The following FAM168A variants were observed in gnomAD, a reference collection of about 807,000 sequenced individuals.
FAM168A encodes family with sequence similarity 168 member A.
A neutral mutation model predicts 28.5 loss-of-function variants in FAM168A; 3 were observed. The observed-to-expected ratio is 0.11, with a 90% confidence interval of 0.05 to 0.27. The LOEUF is 0.27. Among genes scored for constraint, FAM168A ranks in the 10% least tolerant of loss-of-function variants. The probability of loss-of-function intolerance (pLI) is 1.00; values close to 1 mark genes in which losing one functional copy is unlikely to be tolerated. For synonymous variants in FAM168A, 122 were observed against 124.2 expected (o/e 0.98, Z 0.12); for missense variants, 222 against 311.5 (o/e 0.71, Z 2.16).
chr11:73,573,819 G>GGT (rs1277172255), intron 1 of FAM168A, among the ~76,000 whole-genome samples: 2 of 152,148 alleles, frequency 1.3e-5, no homozygotes, highest in Non-Finnish European at 2.9e-5. Context: ...AGCCAGGCAT[G>GGT]GTGGTACATG....
chr11:73,545,683 CT>C (rs966309670), intron 1 of FAM168A, among the ~76,000 whole-genome samples: 2,522 of 105,146 alleles, frequency 0.024, 25 homozygotes, highest in African/African-American at 0.086. Context: ...ATACTATATA[CT>C]TTTTTTTTTT....
At chr11:73,424,217 G>A (rs1199738404) in intron 3 of FAM168A, among the ~76,000 whole-genome samples, 2 of 152,144 alleles carry the variant, frequency 1.3e-5, no homozygotes, top group Non-Finnish European at 2.9e-5. Context: ...ACAGATGCGC[G>A]ACACACAAAT....
At chr11:73,415,146 G>A (rs1866675456) in intron 4 of FAM168A, among the ~76,000 whole-genome samples, 1 of 152,180 alleles carries the variant, frequency 6.6e-6, no homozygotes. Context: ...GTTATGAAAT[G>A]AGACACACAC....
intron 1 of FAM168A, among the ~76,000 whole-genome samples, chr11:73,524,546 A>G (rs974484559): frequency 1.3e-5 from 2 of 151,512 alleles, no homozygotes; most frequent in African/African-American, 4.9e-5. Flanking sequence ...ACTTGTTTTC[A>G]TTCTACCTTA....
intron 1 of FAM168A, among the ~76,000 whole-genome samples, chr11:73,588,039 C>T (rs910238008): frequency 2.0e-5 from 3 of 152,022 alleles, no homozygotes; most frequent in Non-Finnish European, 2.9e-5. Context: ...CGTGAGCCAC[C>T]GCACCGAGCC....
intron 1 of FAM168A, among the ~76,000 whole-genome samples, chr11:73,493,907 T>C (rs1033937620): frequency 2.6e-5 from 4 of 152,182 alleles, no homozygotes; most frequent in Non-Finnish European, 4.4e-5. Context: ...CAACTAAAAC[T>C]AATCACTATC....
chr11:73,573,104 T>C (rs1459399949), intron 1 of FAM168A, among the ~76,000 whole-genome samples: 1 of 152,162 alleles, frequency 6.6e-6, no homozygotes, highest in East Asian at 1.9e-4. Context: ...ATCAATGTGC[T>C]CACCTGAGAG....
intron 1 of FAM168A, among the ~76,000 whole-genome samples, chr11:73,512,953 C>T (rs962531776): frequency 7.9e-5 from 12 of 152,146 alleles, no homozygotes; most frequent in Non-Finnish European, 1.6e-4. Context: ...TCCAGACACA[C>T]TAGCAAACTC....
At chr11:73,590,213 G>A (rs1184737966) in intron 1 of FAM168A, among the ~76,000 whole-genome samples, 6 of 152,104 alleles carry the variant, frequency 3.9e-5, no homozygotes, top group Non-Finnish European at 7.4e-5. Context: ...ACCAGCCTGG[G>A]CAACTGAGCA....
At position 73,404,907 on chromosome 11, in the gene FAM168A, A is replaced by T. The variant is rs1183406347; in HGVS notation, c.*1856T>A. 1 of 152,264 alleles carries T rather than the reference A, an allele frequency of 6.6e-6. No homozygotes were observed. The highest frequency in any genetic ancestry group is 1.5e-5 in the Non-Finnish European group (1 of 68,042). 9.4% of individuals were successfully genotyped at this position (152,264 alleles called of 1,614,324 possible). A position where few individuals can be genotyped will look rare whatever the true frequency, so the allele number is the denominator to read the frequency against. On this transcript the variant is annotated 3_prime_UTR_variant, in exon 8 of 8. Coordinates refer to ENST00000356467, the MANE Select transcript of FAM168A (RefSeq NM_015159.3). The stretch of plus-strand genomic sequence containing the variant: ...TGTCAATGATCCCATTTTTTACAAT[A>T]AAATGTTCGTGCCCCACCCCCAGAG...
At chr11:73,494,338 T>G (rs975264998) in intron 1 of FAM168A, among the ~76,000 whole-genome samples, 1 of 152,184 alleles carries the variant, frequency 6.6e-6, no homozygotes, top group Admixed American at 6.5e-5. Flanking sequence ...AGAGTGGCAG[T>G]GAGGCTGCTC....
chr11:73,477,660 A>G (rs1381974318), intron 1 of FAM168A, among the ~76,000 whole-genome samples: 1 of 152,110 alleles, frequency 6.6e-6, no homozygotes, highest in Non-Finnish European at 1.5e-5. Flanking sequence ...GCCAGAAGAC[A>G]GGAGGTTGGT....
At chr11:73,590,779 T>C (rs1944371655) in intron 1 of FAM168A, among the ~76,000 whole-genome samples, 2 of 152,164 alleles carry the variant, frequency 1.3e-5, no homozygotes, top group Non-Finnish European at 2.9e-5. Context: ...CTGACACATA[T>C]CTTTTTTTTT....
chr11:73,575,054 G>T (rs1245393714), intron 1 of FAM168A, among the ~76,000 whole-genome samples: 1 of 152,084 alleles, frequency 6.6e-6, no homozygotes, highest in African/African-American at 2.4e-5. Context: ...TTGCAGATGA[G>T]CAAAATAAGG....
chr11:73,463,693 C>G (rs1225201649), intron 2 of FAM168A, among the ~76,000 whole-genome samples: 1 of 152,000 alleles, frequency 6.6e-6, no homozygotes, highest in Non-Finnish European at 1.5e-5. Context: ...TCAGGAACAG[C>G]TGGAGAAGAA....
intron 3 of FAM168A, among the ~76,000 whole-genome samples, chr11:73,429,639 C>A (rs1866949000): frequency 6.6e-6 from 1 of 152,194 alleles, no homozygotes; most frequent in African/African-American, 2.4e-5. Flanking sequence ...AGAACAGCTT[C>A]TACTTCTTCA....
intron 1 of FAM168A, among the ~76,000 whole-genome samples, chr11:73,573,277 T>A (rs1288276832): frequency 6.6e-6 from 1 of 152,218 alleles, no homozygotes. Flanking sequence ...TCAACTTGAG[T>A]GTCATCATGA....
At chr11:73,530,967 T>C (rs1184637957) in intron 1 of FAM168A, among the ~76,000 whole-genome samples, 1 of 152,190 alleles carries the variant, frequency 6.6e-6, no homozygotes, top group Non-Finnish European at 1.5e-5. Flanking sequence ...ATTCTGCATC[T>C]GGGCTCTATG....
At chr11:73,476,452 G>A (rs116495828) in intron 1 of FAM168A, among the ~76,000 whole-genome samples, 3,875 of 150,442 alleles carry the variant, frequency 0.026, 189 homozygotes, top group African/African-American at 0.093. Context: ...TCCTGATGGT[G>A]GGGTGGGGGT....
Sources: gnomAD v4.1 joint callset for allele counts (sites outside exome capture counted in the v4.1 genomes callset) on GRCh38, gnomAD v4.1.1 for gene constraint, MANE v1.5 for transcripts, NCBI Gene and HGNC (gene_info 2026-07-23, HGNC 2026-07-21) for gene names.